Variants in GLIS1 observed in about 807,000 individuals in gnomAD.
GLIS1 encodes the protein zinc finger protein GLIS1.
In GLIS1, 24 loss-of-function variants were observed where a neutral mutation model predicts 63.8. The ratio of observed to expected loss-of-function variants is 0.38; its 90% CI spans 0.27 to 0.53. GLIS1 has a LOEUF of 0.53. GLIS1 is among the 20% of genes least tolerant of loss of function. GLIS1 has a pLI of 0.85. For synonymous variants in GLIS1, 450 were observed against 482.5 expected, an observed-to-expected ratio of 0.93 and a Z score of 0.88; for missense variants, 1,036 against 1,074.1, an observed-to-expected ratio of 0.96 and a Z score of 0.50.
chr1:53,629,852 TGC>T (rs1477264005), intron 2 of GLIS1, among the ~76,000 whole-genome samples: 2 of 152,224 alleles, frequency 1.3e-5, no homozygotes, highest in Non-Finnish European at 2.9e-5. Context: ...CCTGCACACA[TGC>T]AGGCCTTGAG....
chr1:53,544,024 G>C (rs1458802679), intron 4 of GLIS1, among the ~76,000 whole-genome samples: 1 of 152,192 alleles, frequency 6.6e-6, no homozygotes, highest in South Asian at 2.1e-4. Flanking sequence ...AGCCGTTCTG[G>C]GGCGCGCAGC....
chr1:53,660,212 C>T (rs926726028), intron 2 of GLIS1, among the ~76,000 whole-genome samples: 1 of 152,194 alleles, frequency 6.6e-6, no homozygotes, highest in Admixed American at 6.5e-5. Context: ...TCCACTGCCT[C>T]ATTTCCATCT....
At position 53,611,898 on chromosome 1, in the gene GLIS1, A is replaced by G. The variant is rs575489649; in HGVS notation, c.260-11620T>C. ...GCCCAGGCTGGAGTGCAATGGTGCAATCAGAGCACACTGCAGCCCCAAACT... is the reference window on the plus strand; with the variant it reads ...GCCCAGGCTGGAGTGCAATGGTGCAGTCAGAGCACACTGCAGCCCCAAACT... On this transcript the variant is annotated intron_variant, in intron 2 of 10. Transcript: ENST00000628545. 6.6e-5 allele frequency among the ~76,000 whole-genome samples: 10 copies of G among 152,254 alleles called. No homozygotes were observed. In the South Asian group the frequency reaches 1.9e-3, roughly 28 times the overall value.
At chr1:53,635,924 G>C (rs535138704) in intron 2 of GLIS1, among the ~76,000 whole-genome samples, 1 of 152,276 alleles carries the variant, frequency 6.6e-6, no homozygotes, top group Admixed American at 6.5e-5. Context: ...TAGTCCAATA[G>C]ATATTAACAT....
At chr1:53,602,755 AC>A (rs1249413176) in intron 2 of GLIS1, among the ~76,000 whole-genome samples, 1 of 152,088 alleles carries the variant, frequency 6.6e-6, no homozygotes, top group Non-Finnish European at 1.5e-5. Context: ...CACAGTTCAA[AC>A]CTAGATCTCC....
At chr1:53,577,046 G>A (rs1236544344) in intron 4 of GLIS1, among the ~76,000 whole-genome samples, 1 of 151,594 alleles carries the variant, frequency 6.6e-6, no homozygotes, top group Non-Finnish European at 1.5e-5. Flanking sequence ...CACTTTCCCT[G>A]TTCTTCCTCC....
intron 3 of GLIS1, among the ~76,000 whole-genome samples, chr1:53,597,917 A>T (rs1409287713): frequency 1.3e-5 from 2 of 151,830 alleles, no homozygotes; most frequent in South Asian, 2.1e-4. Flanking sequence ...AAAGAAAAAA[A>T]AATCCTCTTC....
intron 2 of GLIS1, among the ~76,000 whole-genome samples, chr1:53,635,413 T>C (rs920849091): frequency 6.6e-6 from 1 of 152,108 alleles, no homozygotes; most frequent in Non-Finnish European, 1.5e-5. Flanking sequence ...TAATTAATAA[T>C]GAAAATGCTA....
intron 2 of GLIS1, among the ~76,000 whole-genome samples, chr1:53,665,279 TG>T (rs1462822902): frequency 1.6e-4 from 25 of 152,136 alleles, no homozygotes; most frequent in African/African-American, 6.0e-4. Context: ...GCTTCTGGCC[TG>T]GGCAACTAGT....
At chr1:53,737,762 A>T in intron 2 of GLIS1, 44 bp downstream of exon 2, 1 of 1,230,154 alleles carries the variant, frequency 8.1e-7, no homozygotes. Context: ...GGCAGCCCGA[A>T]TCTCCACAGG....
At chr1:53,544,780 T>A (rs1186575173) in intron 4 of GLIS1, among the ~76,000 whole-genome samples, 2 of 152,170 alleles carry the variant, frequency 1.3e-5, no homozygotes, top group East Asian at 3.9e-4. Context: ...GCTCCAACAC[T>A]GGTTTCTTTG....
At chr1:53,619,160 G>A (rs1645514891) in intron 2 of GLIS1, among the ~76,000 whole-genome samples, 1 of 152,184 alleles carries the variant, frequency 6.6e-6, no homozygotes, top group Non-Finnish European at 1.5e-5. Context: ...TGCCTGGTCT[G>A]GCCTGGTTGC....
At chr1:53,588,625 T>C (rs553250745) in intron 4 of GLIS1, among the ~76,000 whole-genome samples, 1 of 152,178 alleles carries the variant, frequency 6.6e-6, no homozygotes, top group Non-Finnish European at 1.5e-5. Context: ...GTGAGGGGTG[T>C]GTGCTGGCCT....
chr1:53,654,786 G>C (rs1273884212), intron 2 of GLIS1, among the ~76,000 whole-genome samples: 1 of 152,172 alleles, frequency 6.6e-6, no homozygotes, highest in East Asian at 1.9e-4. Flanking sequence ...TGCCGCTACA[G>C]ATGTGAACGC....
intron 2 of GLIS1, among the ~76,000 whole-genome samples, chr1:53,718,342 C>T (rs1000037210): frequency 3.9e-5 from 6 of 152,096 alleles, no homozygotes; most frequent in Admixed American, 3.9e-4. Flanking sequence ...AGAGACGGAA[C>T]TGAGGGAACC....
At chr1:53,668,619 C>T (rs935133420) in intron 2 of GLIS1, among the ~76,000 whole-genome samples, 3 of 152,172 alleles carry the variant, frequency 2.0e-5, no homozygotes, top group Non-Finnish European at 4.4e-5. Context: ...CCTCAGCCTC[C>T]CAAAGTGCTG....
intron 2 of GLIS1, among the ~76,000 whole-genome samples, chr1:53,614,609 T>C (rs1188466253): frequency 1.3e-5 from 2 of 152,126 alleles, no homozygotes; most frequent in Admixed American, 6.6e-5. Context: ...TCTCTGAGTT[T>C]TGTGTTGAAA....
intron 2 of GLIS1, among the ~76,000 whole-genome samples, chr1:53,728,240 G>C (rs113436584): frequency 6.9e-4 from 105 of 152,256 alleles, no homozygotes; most frequent in African/African-American, 2.3e-3. Flanking sequence ...GGGTCTTAAA[G>C]AATCAGTAGG....
chr1:53,556,784 T>C (rs1313808300), intron 4 of GLIS1, among the ~76,000 whole-genome samples: 1 of 147,390 alleles, frequency 6.8e-6, no homozygotes, highest in Non-Finnish European at 1.5e-5. Context: ...ATACTGCAGG[T>C]ATGTGTGTAT....
Sources: allele counts gnomAD v4.1 joint callset (sites outside exome capture counted in the v4.1 genomes callset), GRCh38; gene constraint gnomAD v4.1.1; transcripts MANE v1.5; gene names NCBI Gene and HGNC (gene_info 2026-07-23, HGNC 2026-07-21).